PARD6G: variants seen among roughly 807,000 people sequenced by gnomAD.
PARD6G encodes the protein par-6 family cell polarity regulator gamma, also known as partitioning defective 6 homolog gamma.
In PARD6G, 7 loss-of-function variants were observed where a neutral mutation model predicts 10.7. The observed-to-expected ratio is 0.66, with a 90% CI of 0.37 to 1.23. PARD6G has a LOEUF of 1.23. Ranked by LOEUF, PARD6G falls within the 50% of genes most tolerant of loss-of-function variation. The pLI, the probability that PARD6G is intolerant of heterozygous loss-of-function variation, is 0.02. For synonymous variants in PARD6G, 287 were observed against 269.4 expected (o/e 1.07, Z -0.64); for missense variants, 548 against 571.8 (o/e 0.96, Z 0.42).
In PARD6G at chr18:80,160,352, G is replaced by T; in HGVS notation, c.550C>A (p.Pro184Thr). ...CCGGGCACCTTCTCCAGCCCGTGCG[G>T]GGTCACGCGCACGCTGGCGCCATCG... ...IRDGASVRVT[P>T]HGLEKVPGIF... Residue 184 changes from proline (P) to threonine (T), a missense_variant, in exon 3 of 3, where the codon CCG becomes ACG. Physicochemically the swap from Pro to Thr is conservative, Grantham distance 38. Around this residue, in one of 2 missense-constraint regions of PARD6G, gnomAD observed 235 missense variants for 291.9 expected, o/e 0.81. Transcript: ENST00000353265. The T allele has an allele frequency of 6.2e-7, 1 of 1,611,502 alleles. No individual in the cohort carries two copies. Among genetic ancestry groups the T allele is most frequent in the African/African-American group, 1.3e-5 (1 of 75,042 alleles).
chr18:80,167,904 A>T (rs2052747214), intron 2 of PARD6G, among the ~76,000 whole-genome samples: 2 of 152,272 alleles, frequency 1.3e-5, no homozygotes, highest in South Asian at 4.1e-4. Context: ...TGATGAGCTA[A>T]GTAATGTCTA....
chr18:80,170,012 T>C (rs904517655), intron 2 of PARD6G: 1 of 152,278 alleles, frequency 6.6e-6, no homozygotes, highest in South Asian at 2.1e-4. Context: ...AGCTGCCAGA[T>C]GAGCACGGCC....
Position 80,180,562 on chromosome 18 carries a change from G to A in PARD6G, c.296-19956C>T, listed in dbSNP as rs919287566. ...GCCGGGCACACTGCGGCCTCTGGGT[G>A]TTTTCAGAACGGCAATCACATTCTC... On this transcript the variant is annotated intron_variant, in intron 2 of 2. Transcript: ENST00000353265. This position sits in a 1 kb window ranked among gnomAD's most constrained non-coding sequence, Gnocchi z 5.6. 2.6e-5 allele frequency among the ~76,000 whole-genome samples: 4 copies of A among 152,156 alleles called. No individual in the cohort carries two copies. Among genetic ancestry groups the A allele is most frequent in the Admixed American group, 2.6e-4 (4 of 15,276 alleles).
Position 80,234,216 on chromosome 18 carries a change from G to T in PARD6G, c.72+13061C>A, listed in dbSNP as rs531474736. ...TCCTGGACCTCTGGCACAGTGTCAG[G>T]CCTGTTCTCATCTCAGGTCCCAGCT... On this transcript the variant is annotated intron_variant, in intron 1 of 2. Coordinates refer to ENST00000353265, the MANE Select transcript of PARD6G (RefSeq NM_032510.4). 2.8e-3 allele frequency among the ~76,000 whole-genome samples: 431 copies of T among 152,200 alleles called. 3 individuals are homozygous for T. Among genetic ancestry groups the T allele is most frequent in the African/African-American group, 0.01 (417 of 41,506 alleles).
At chr18:80,171,089 C>T (rs1166497184) in intron 2 of PARD6G, 2 of 152,196 alleles carry the variant, frequency 1.3e-5, no homozygotes, top group Non-Finnish European at 2.9e-5. Flanking sequence ...TCTGTACTCA[C>T]TATAGAAAAA....
rs145152412 is a variant in PARD6G, at chr18:80,202,463, T to A, written c.295+247A>T. On this transcript the variant is annotated intron_variant, in intron 2 of 2. Transcript: ENST00000353265. The stretch of plus-strand genomic sequence containing the variant: ...CTGAGTCATTTCACTTCTAGTTAAA[T>A]GACTGGAAGTATCAATATTATTCTT... The A allele has an allele frequency of 4.3e-4, 172 of 398,880 alleles. 3 individuals are homozygous for A. In the East Asian group the frequency reaches 9.0e-3, roughly 21 times the overall value. 24.7% of individuals were successfully genotyped at this position (398,880 alleles called of 1,614,324 possible). A position where few individuals can be genotyped will look rare whatever the true frequency, so the allele number is the denominator to read the frequency against.
At chr18:80,162,720 G>C (rs2052708858) in intron 2 of PARD6G, 1 of 165,184 alleles carries the variant, frequency 6.1e-6, no homozygotes, top group Non-Finnish European at 1.5e-5. Context: ...CACAGGATAT[G>C]ATAGGAACAG....
Position 80,160,599 on chromosome 18 carries a change from G to T in PARD6G, c.303C>A (p.Ala101=). The change falls in exon 3 of 3, where the codon GCC becomes GCA. Residue 101 remains alanine (A), a synonymous_variant. Coordinates refer to ENST00000353265, the MANE Select transcript of PARD6G (RefSeq NM_032510.4). ...LRVFIQKREE[A]ERGSLGAGSL... The stretch of plus-strand genomic sequence containing the variant: ...AGCCCGCGCCGAGGCTGCCACGCTC[G>T]GCCTCCTCTGCGGGAGAGGGGACAG... 1 of 1,445,814 alleles carries T rather than the reference G, an allele frequency of 6.9e-7. No homozygotes were observed. The allele number at this position is 1,445,814 out of a possible 1,614,324, so 89.6% of individuals were successfully genotyped here.
intron 1 of PARD6G, among the ~76,000 whole-genome samples, chr18:80,242,831 A>C (rs1027326485): frequency 9.9e-5 from 15 of 152,252 alleles, no homozygotes; most frequent in African/African-American, 3.6e-4. Context: ...ATACAAATTA[A>C]AACAATGGGA....
intron 2 of PARD6G, among the ~76,000 whole-genome samples, chr18:80,174,750 C>A (rs567192727): frequency 1.3e-5 from 2 of 152,002 alleles, no homozygotes; most frequent in African/African-American, 4.8e-5. Flanking sequence ...GTCAGGAGAT[C>A]GAGACCATCC....
chr18:80,190,828 A>C (rs1433680168), intron 2 of PARD6G, among the ~76,000 whole-genome samples: 1 of 152,122 alleles, frequency 6.6e-6, no homozygotes, highest in African/African-American at 2.4e-5. Context: ...CCAGGCAATC[A>C]ACAAAATCAC....
At position 80,200,990 on chromosome 18, in the gene PARD6G, C is replaced by T. The variant is rs1967002194; in HGVS notation, c.295+1720G>A. Among the ~76,000 whole-genome samples the T allele has an allele frequency of 6.6e-6, 1 of 152,250 alleles. No homozygotes were observed. The highest frequency in any genetic ancestry group is 2.1e-4 in the South Asian group (1 of 4,830). On this transcript the variant is annotated intron_variant, in intron 2 of 2. Coordinates refer to ENST00000353265, the MANE Select transcript of PARD6G (RefSeq NM_032510.4). This position sits in a 1 kb window ranked among gnomAD's most constrained non-coding sequence, Gnocchi z 4.4. The stretch of plus-strand genomic sequence containing the variant: ...GCAACAAAGCCTGTGCGCACATCTG[C>T]AGTTTACACACCTTCTTCACACCAT...
Position 80,183,275 on chromosome 18 carries a change from G to T in PARD6G, c.295+19435C>A, listed in dbSNP as rs2052857005. ...TGGAGAAGAGCAAAGCCGCATACAG[G>T]CATAGTGGAAAAGTACGCTGACCTT... On this transcript the variant is annotated intron_variant, in intron 2 of 2. Coordinates refer to ENST00000353265, the MANE Select transcript of PARD6G (RefSeq NM_032510.4). The surrounding 1 kb of genome is among the most constrained non-coding windows in gnomAD (Gnocchi z 4.5). The T allele has an allele frequency of 3.0e-6, 2 of 671,100 alleles. No individual in the cohort carries two copies. The highest frequency in any genetic ancestry group is 4.4e-5 in the Admixed American group (2 of 45,424). The allele number at this position is 671,100 out of a possible 1,614,324, so 41.6% of individuals were successfully genotyped here.
chr18:80,164,982 C>T (rs1197629202), intron 2 of PARD6G, among the ~76,000 whole-genome samples: 1 of 152,190 alleles, frequency 6.6e-6, no homozygotes, highest in Admixed American at 6.5e-5. Context: ...CCAACAAACA[C>T]AAGGCAAAGG....
intron 1 of PARD6G, among the ~76,000 whole-genome samples, chr18:80,203,430 G>A (rs1034290726): frequency 6.6e-6 from 1 of 152,114 alleles, no homozygotes; most frequent in Non-Finnish European, 1.5e-5. Context: ...GCAGCAGCTC[G>A]CTCATCCACA....
intron 2 of PARD6G, among the ~76,000 whole-genome samples, chr18:80,185,692 TCA>T (rs1260311729): frequency 7.3e-6 from 1 of 136,552 alleles, no homozygotes; most frequent in Non-Finnish European, 1.6e-5. Flanking sequence ...GCATACACCC[TCA>T]CACACATGCA....
intron 1 of PARD6G, among the ~76,000 whole-genome samples, chr18:80,209,655 T>A (rs1322926411): frequency 6.6e-6 from 1 of 151,590 alleles, no homozygotes; most frequent in African/African-American, 2.4e-5. Context: ...TACAGAAAAG[T>A]ACAAAAATTA....
chr18:80,234,794 A>G (rs985620889), intron 1 of PARD6G, among the ~76,000 whole-genome samples: 1 of 152,176 alleles, frequency 6.6e-6, no homozygotes, highest in South Asian at 2.1e-4. Context: ...GATCAATTCA[A>G]CAAGAAGAGC....
intron 1 of PARD6G, among the ~76,000 whole-genome samples, chr18:80,237,309 T>C (rs1442728581): frequency 6.6e-6 from 1 of 152,162 alleles, no homozygotes; most frequent in Non-Finnish European, 1.5e-5. Context: ...TGTAGAAAGC[T>C]GAAACTGGAT....
Sources: gnomAD v4.1 joint callset for allele counts (sites outside exome capture counted in the v4.1 genomes callset) on GRCh38, gnomAD v4.1.1 for gene constraint, gnomAD v4.1.1 regional missense constraint, Gnocchi (gnomAD v3.1) non-coding constraint, MANE v1.5 for transcripts, NCBI Gene and HGNC (gene_info 2026-07-23, HGNC 2026-07-21) for gene names.